The following SMARCA2 variants were observed in gnomAD, a reference collection of about 807,000 sequenced individuals.
SMARCA2 encodes SWI/SNF-related matrix-associated actin-dependent regulator of chromatin subfamily A member 2.
Under a neutral mutation model 199.8 loss-of-function variants are expected in SMARCA2, and 61 were observed. The ratio of observed to expected loss-of-function variants is 0.31; its 90% CI spans 0.25 to 0.38. The LOEUF (loss-of-function observed/expected upper bound fraction) is 0.38, where lower values mean the gene tolerates loss of function less well. Ranked by LOEUF, SMARCA2 falls within the 10% of genes least tolerant of loss-of-function variation. The pLI, the probability that SMARCA2 is intolerant of heterozygous loss-of-function variation, is 1.00. For missense variants in SMARCA2, 1,344 were observed against 2,012.2 expected (o/e 0.67, Z 6.35); for synonymous variants, 935 against 732.0 (o/e 1.28, Z -4.48).
intron 13 of SMARCA2, among the ~76,000 whole-genome samples, chr9:2,076,601 C>T (rs1234548128): frequency 1.3e-5 from 2 of 151,894 alleles, no homozygotes; most frequent in Non-Finnish European, 2.9e-5. Context: ...ACCTCCAGCT[C>T]AGGCTCACTC....
chr9:2,015,755 C>T (rs1818327120), intron 1 of SMARCA2, among the ~76,000 whole-genome samples: 1 of 152,228 alleles, frequency 6.6e-6, no homozygotes, highest in African/African-American at 2.4e-5. Context: ...TCCCAACAAG[C>T]CACAGCCTTG....
At chr9:2,082,020 G>A (rs761987560) in intron 15 of SMARCA2, 25 bp downstream of exon 15, 4 of 1,602,892 alleles carry the variant, frequency 2.5e-6, no homozygotes, top group East Asian at 4.5e-5. Flanking sequence ...TTATTCCACA[G>A]TCATCGTTCT....
At chr9:2,095,047 C>T (rs1397539232) in intron 19 of SMARCA2, among the ~76,000 whole-genome samples, 2 of 151,922 alleles carry the variant, frequency 1.3e-5, no homozygotes, top group East Asian at 1.9e-4. Flanking sequence ...AAATATTATA[C>T]CTTGATACAA....
At chr9:2,049,059 T>A (rs1490193855) in intron 5 of SMARCA2, among the ~76,000 whole-genome samples, 2 of 152,100 alleles carry the variant, frequency 1.3e-5, no homozygotes, top group South Asian at 2.1e-4. Context: ...CTGTACAAGC[T>A]CCCTAGTTAA....
chr9:2,126,869 G>C (rs898283604), intron 27 of SMARCA2, among the ~76,000 whole-genome samples: 2 of 152,232 alleles, frequency 1.3e-5, no homozygotes, highest in East Asian at 3.8e-4. Context: ...TTCGTGGTCA[G>C]CTCTGATTAA....
intron 22 of SMARCA2, among the ~76,000 whole-genome samples, chr9:2,103,373 C>T (rs1822612533): frequency 6.6e-6 from 1 of 152,148 alleles, no homozygotes; most frequent in African/African-American, 2.4e-5. Flanking sequence ...AACTCTGCTC[C>T]AATCTAAAGA....
intron 27 of SMARCA2, among the ~76,000 whole-genome samples, chr9:2,153,094 C>T (rs1222742474): frequency 6.6e-6 from 1 of 152,120 alleles, no homozygotes; most frequent in Non-Finnish European, 1.5e-5. Context: ...AGTAAAGGAA[C>T]TCAGCTAATT....
rs77595111 is a variant in SMARCA2, at chr9:2,176,827, G to A, written c.4254-4744G>A. Among the ~76,000 whole-genome samples, 329 of 152,216 alleles carry A rather than the reference G, an allele frequency of 2.2e-3. 3 individuals carry two copies. Among genetic ancestry groups the A allele is most frequent in the African/African-American group, 7.6e-3 (315 of 41,524 alleles). On this transcript the variant is annotated intron_variant, in intron 29 of 33. Transcript: ENST00000349721. ...CCTGCCTCAGCCTCCCATAGGGCGG[G>A]GATTGCAGGTGTGAGCCACTGTGCC...
At chr9:2,106,615 C>T (rs866731966) in intron 23 of SMARCA2, among the ~76,000 whole-genome samples, 4 of 152,118 alleles carry the variant, frequency 2.6e-5, no homozygotes, top group Non-Finnish European at 4.4e-5. Context: ...CATCCCACCA[C>T]CCAATTATTA....
intron 28 of SMARCA2, among the ~76,000 whole-genome samples, chr9:2,164,479 C>T (rs7861479): frequency 0.012 from 1,788 of 152,244 alleles, 30 homozygotes; most frequent in African/African-American, 0.041. Flanking sequence ...TTCATTACTG[C>T]GCCTGCCTCT....
chr9:2,167,996 T>A (rs1291161213), intron 28 of SMARCA2, among the ~76,000 whole-genome samples: 1 of 151,602 alleles, frequency 6.6e-6, no homozygotes, highest in Non-Finnish European at 1.5e-5. Context: ...GACATTATAA[T>A]AATATTTACC....
chr9:2,134,006 G>C (rs1288808862), intron 27 of SMARCA2, among the ~76,000 whole-genome samples: 3 of 152,150 alleles, frequency 2.0e-5, no homozygotes, highest in African/African-American at 7.2e-5. Context: ...GAACCTACTT[G>C]ATAGGGTATT....
At chr9:2,160,372 G>A (rs987908286) in intron 27 of SMARCA2, 3 of 530,562 alleles carry the variant, frequency 5.7e-6, no homozygotes, top group East Asian at 2.9e-5. Flanking sequence ...TGTGCATGTT[G>A]CTTCTATGGA....
intron 9 of SMARCA2, among the ~76,000 whole-genome samples, chr9:2,068,079 G>T (rs1052324668): frequency 6.6e-6 from 1 of 152,160 alleles, no homozygotes; most frequent in East Asian, 1.9e-4. Flanking sequence ...AGAATGGTGG[G>T]ATTAATTGAC....
chr9:2,124,226 G>A (rs1817120043), intron 27 of SMARCA2, among the ~76,000 whole-genome samples: 1 of 152,198 alleles, frequency 6.6e-6, no homozygotes, highest in South Asian at 2.1e-4. Flanking sequence ...TGAGAGCTGT[G>A]AGACCCACTA....
rs1397039431 is a variant in SMARCA2 at position 2,090,347 on chromosome 9, T to TA, written c.2883+1734_2883+1735insA. On this transcript the variant is annotated intron_variant, in intron 19 of 33. Coordinates refer to ENST00000349721, the MANE Select transcript of SMARCA2 (RefSeq NM_003070.5). The stretch of plus-strand genomic sequence containing the variant: ...ACTCAGTGTGTGGTATTATCTACCT[T>TA]TAGAGGTATCTGTACCTTTAAAGGC... Among the ~76,000 whole-genome samples, 7 of 152,304 alleles carry TA rather than the reference T, an allele frequency of 4.6e-5. No homozygotes were observed. In the South Asian group the frequency reaches 8.3e-4, roughly 18 times the overall value.
intron 9 of SMARCA2, among the ~76,000 whole-genome samples, chr9:2,062,311 G>A (rs1820629314): frequency 6.6e-6 from 1 of 152,194 alleles, no homozygotes; most frequent in South Asian, 2.1e-4. Flanking sequence ...CCATTAAATG[G>A]CAGTTTTAGT....
intron 27 of SMARCA2, chr9:2,158,921 A>G: frequency 6.2e-7 from 1 of 1,610,622 alleles, no homozygotes. Flanking sequence ...GGGAGGAGGG[A>G]AGATGTTTTG....
chr9:2,061,579 C>T (rs894481071), intron 9 of SMARCA2, among the ~76,000 whole-genome samples: 1 of 152,202 alleles, frequency 6.6e-6, no homozygotes, highest in East Asian at 1.9e-4. Context: ...AGAATCTCTG[C>T]AGCTATTATA....
Sources: allele counts gnomAD v4.1 joint callset (sites outside exome capture counted in the v4.1 genomes callset), GRCh38; gene constraint gnomAD v4.1.1; transcripts MANE v1.5; gene names NCBI Gene and HGNC (gene_info 2026-07-23, HGNC 2026-07-21).